The following DRC11 variants were observed in gnomAD, a reference collection of about 807,000 sequenced individuals.
DRC11 encodes dynein regulatory complex subunit 11.
At chr2:236,489,031 A>G in the DRC11 span, among the ~76,000 whole-genome samples, 162 of 43,702 alleles carry the variant, frequency 3.7e-3, no homozygotes, top group African/African-American at 4.8e-3. Context: ...GGCCTGTGTG[A>G]GCTCCGGGTG....
chr2:236,430,074 C>T, the DRC11 span, among the ~76,000 whole-genome samples: 9 of 152,222 alleles, frequency 5.9e-5, no homozygotes, highest in East Asian at 3.9e-4. The surrounding 1 kb of genome is among the most constrained non-coding windows in gnomAD (Gnocchi z 6.0). Flanking sequence ...GCTAAGCAGG[C>T]CACTGGGGTT....
chr2:236,477,637 G>A, the DRC11 span, among the ~76,000 whole-genome samples: 36 of 152,176 alleles, frequency 2.4e-4, no homozygotes, highest in African/African-American at 8.2e-4. Flanking sequence ...AATGTTTGAT[G>A]GAATTTGGTA....
At chr2:236,426,137 A>C in the DRC11 span, among the ~76,000 whole-genome samples, 3 of 152,000 alleles carry the variant, frequency 2.0e-5, no homozygotes, top group African/African-American at 4.8e-5. This position sits in a 1 kb window ranked among gnomAD's most constrained non-coding sequence, Gnocchi z 4.1. Context: ...GTTCCATATA[A>C]ATTTTAGAAT....
the DRC11 span, among the ~76,000 whole-genome samples, chr2:236,432,421 T>C: frequency 6.6e-6 from 1 of 152,170 alleles, no homozygotes; most frequent in African/African-American, 2.4e-5. Flanking sequence ...AAGTTTTGCA[T>C]TTTGTTGAGG....
At chr2:236,392,138 T>A in the DRC11 span, 1 of 1,552,334 alleles carries the variant, frequency 6.4e-7, no homozygotes, top group South Asian at 1.1e-5. The surrounding 1 kb of genome is among the most constrained non-coding windows in gnomAD (Gnocchi z 5.1). Flanking sequence ...TTGTGAAGTT[T>A]AAAAATCCCT....
chr2:236,381,713 T>G, the DRC11 span, among the ~76,000 whole-genome samples: 1 of 152,264 alleles, frequency 6.6e-6, no homozygotes, highest in South Asian at 2.1e-4. The surrounding 1 kb of genome is among the most constrained non-coding windows in gnomAD (Gnocchi z 5.8). Context: ...TGTGCTTATT[T>G]CATGTGCTTA....
At chr2:236,324,970 A>C in the DRC11 span, among the ~76,000 whole-genome samples, 1 of 152,168 alleles carries the variant, frequency 6.6e-6, no homozygotes, top group African/African-American at 2.4e-5. The surrounding 1 kb of genome is among the most constrained non-coding windows in gnomAD (Gnocchi z 5.7). Context: ...CATGATTTGA[A>C]ACTTCAACCT....
the DRC11 span, among the ~76,000 whole-genome samples, chr2:236,350,981 G>A: frequency 6.6e-6 from 1 of 152,196 alleles, no homozygotes; most frequent in East Asian, 1.9e-4. This position sits in a 1 kb window ranked among gnomAD's most constrained non-coding sequence, Gnocchi z 5.2. Context: ...GACAGAGGCT[G>A]CTTCTCTTGG....
At chr2:236,337,062 G>GGCCCT in the DRC11 span, among the ~76,000 whole-genome samples, 1 of 152,144 alleles carries the variant, frequency 6.6e-6, no homozygotes, top group African/African-American at 2.4e-5. The surrounding 1 kb of genome is among the most constrained non-coding windows in gnomAD (Gnocchi z 4.9). Flanking sequence ...GGTCGACATA[G>GGCCCT]GCCCCGCTCA....
the DRC11 span, among the ~76,000 whole-genome samples, chr2:236,379,122 C>CCA: frequency 2.0e-5 from 3 of 152,326 alleles, no homozygotes; most frequent in Middle Eastern, 3.4e-3. Flanking sequence ...CTCTTCCCCC[C>CCA]GCAGAGAGCT....
the DRC11 span, among the ~76,000 whole-genome samples, chr2:236,400,539 G>A: frequency 1.3e-5 from 2 of 152,198 alleles, no homozygotes; most frequent in South Asian, 2.1e-4. The surrounding 1 kb of genome is among the most constrained non-coding windows in gnomAD (Gnocchi z 7.9). Flanking sequence ...TCTGGTTTCC[G>A]ATGACCACTA....
At chr2:236,376,138 G>C in the DRC11 span, among the ~76,000 whole-genome samples, 2 of 152,202 alleles carry the variant, frequency 1.3e-5, no homozygotes, top group African/African-American at 2.4e-5. This position sits in a 1 kb window ranked among gnomAD's most constrained non-coding sequence, Gnocchi z 5.7. Flanking sequence ...CACTGACAGG[G>C]AGACACCATC....
the DRC11 span, among the ~76,000 whole-genome samples, chr2:236,359,182 T>A: frequency 6.6e-6 from 1 of 152,004 alleles, no homozygotes; most frequent in South Asian, 2.1e-4. This position sits in a 1 kb window ranked among gnomAD's most constrained non-coding sequence, Gnocchi z 4.3. Flanking sequence ...TAGGTTCTGC[T>A]TTCCTCCCCT....
At chr2:236,321,152 TTTTA>T in the DRC11 span, among the ~76,000 whole-genome samples, 2 of 152,312 alleles carry the variant, frequency 1.3e-5, no homozygotes, top group East Asian at 3.9e-4. Context: ...TCCTACATAC[TTTTA>T]TTTATTTATT....
At chr2:236,311,697 CGTGTGTGTGTGTGTGTGTGT>C in the DRC11 span, among the ~76,000 whole-genome samples, 10 of 138,706 alleles carry the variant, frequency 7.2e-5, no homozygotes, top group Non-Finnish European at 4.8e-5. This position sits in a 1 kb window ranked among gnomAD's most constrained non-coding sequence, Gnocchi z 6.9. Flanking sequence ...GGATGGGGTG[CGTGTGTGTGTGTGTGTGTGT>C]GTGTGTGTGT....
chr2:236,329,657 A>G, the DRC11 span, among the ~76,000 whole-genome samples: 9 of 152,224 alleles, frequency 5.9e-5, no homozygotes, highest in African/African-American at 1.7e-4. Flanking sequence ...CACTCCATCT[A>G]TCCATGTGTT....
chr2:236,310,566 C>A, the DRC11 span, among the ~76,000 whole-genome samples: 1 of 152,220 alleles, frequency 6.6e-6, no homozygotes, highest in African/African-American at 2.4e-5. The surrounding 1 kb of genome is among the most constrained non-coding windows in gnomAD (Gnocchi z 5.5). Flanking sequence ...ATAATTTGCA[C>A]GACCAACTTG....
At chr2:236,450,806 G>A in the DRC11 span, among the ~76,000 whole-genome samples, 1 of 152,098 alleles carries the variant, frequency 6.6e-6, no homozygotes, top group Non-Finnish European at 1.5e-5. Flanking sequence ...TCAGTGTGAT[G>A]CATTTACCTT....
chr2:236,309,415 C>T, the DRC11 span, among the ~76,000 whole-genome samples: 4 of 152,106 alleles, frequency 2.6e-5, no homozygotes, highest in South Asian at 2.1e-4. This position sits in a 1 kb window ranked among gnomAD's most constrained non-coding sequence, Gnocchi z 5.7. Context: ...AGAGACATCC[C>T]GTTTACTCAC....
Sources: allele counts gnomAD v4.1 joint callset (sites outside exome capture counted in the v4.1 genomes callset), GRCh38; gene constraint gnomAD v4.1.1; non-coding constraint Gnocchi (gnomAD v3.1); transcripts MANE v1.5; gene names NCBI Gene and HGNC (gene_info 2026-07-23, HGNC 2026-07-21).